Variants in MYH3 observed in about 807,000 individuals in gnomAD.
The protein encoded by MYH3 is myosin-3.
In MYH3, 130 loss-of-function variants were observed where a neutral mutation model predicts 238.0. That is an observed-to-expected ratio of 0.55 (90% CI 0.47 to 0.63). The LOEUF is 0.63. Ranked by LOEUF, MYH3 falls within the 30% of genes least tolerant of loss-of-function variation. MYH3 has a pLI of 0.00. For missense variants in MYH3, 1,853 were observed against 2,374.9 expected (o/e 0.78, Z 4.57); for synonymous variants, 880 against 924.1 (o/e 0.95, Z 0.86).
At chr17:10,664,192 C>A in the MYH3 span, among the ~76,000 whole-genome samples, 2 of 151,726 alleles carry the variant, frequency 1.3e-5, no homozygotes, top group Non-Finnish European at 2.9e-5. Context: ...ACTGTTAATG[C>A]AGGAGTAAAA....
At chr17:10,652,607 GTCTTT>G in intron 3 of MYH3, 44 bp from the exon 4 acceptor site, 92 of 605,158 alleles carry the variant, frequency 1.5e-4, no homozygotes, top group Non-Finnish European at 2.1e-4. Flanking sequence ...TGGTCTGCAC[GTCTTT>G]TTTTTTTTTT....
At chr17:10,670,577 G>A in the MYH3 span, among the ~76,000 whole-genome samples, 1 of 152,076 alleles carries the variant, frequency 6.6e-6, no homozygotes, top group Non-Finnish European at 1.5e-5. This position sits in a 1 kb window ranked among gnomAD's most constrained non-coding sequence, Gnocchi z 7.0. Context: ...CCTAGTAGCT[G>A]GGATTGCAAG....
At chr17:10,629,514 A>C (rs556678852) in intron 40 of MYH3, 83 bp downstream of exon 40, 1 of 1,575,150 alleles carries the variant, frequency 6.3e-7, no homozygotes, top group East Asian at 2.2e-5. Context: ...CCAGCTCTAA[A>C]GTAAAGGGTT....
chr17:10,664,061 T>TAA, the MYH3 span, among the ~76,000 whole-genome samples: 1 of 115,030 alleles, frequency 8.7e-6, no homozygotes, highest in Non-Finnish European at 1.6e-5. Flanking sequence ...AGACTCCGTC[T>TAA]TAAAAAAAAA....
chr17:10,636,373 G>A (rs570419002), intron 28 of MYH3, among the ~76,000 whole-genome samples: 1 of 149,850 alleles, frequency 6.7e-6, no homozygotes, highest in Non-Finnish European at 1.5e-5. Context: ...CCATTGAGAA[G>A]AACTGTAAAT....
Position 10,640,630 on chromosome 17 carries a change from T to A in MYH3, c.2222A>T (p.Lys741Ile). 1 of 1,614,258 alleles carries A rather than the reference T, an allele frequency of 6.2e-7. No homozygotes were observed. The highest frequency in any genetic ancestry group is 8.5e-7 in the Non-Finnish European group (1 of 1,180,038). The change falls in exon 20 of 41, where the codon AAA becomes ATA. Residue 741 changes from lysine to isoleucine, a missense_variant. This residue lies in a region of MYH3 where 678 missense variants were observed against 1,058.9 expected (regional missense o/e 0.64). Transcript: ENST00000583535. ...GGATGCCAGAAGCTTTTCACAGGCT[T>A]TCTTGCTGTCAATGAATTGTCCCTC... The part of the protein sequence containing the change: ...IPEGQFIDSK[K>I]ACEKLLASID...
chr17:10,636,071 T>TC (rs1188788136), intron 28 of MYH3, among the ~76,000 whole-genome samples: 2 of 152,040 alleles, frequency 1.3e-5, no homozygotes, highest in African/African-American at 4.8e-5. Flanking sequence ...ACGCCTGTAA[T>TC]CCCAGCACTT....
the MYH3 span, among the ~76,000 whole-genome samples, chr17:10,667,257 G>C: frequency 3.9e-5 from 6 of 152,194 alleles, no homozygotes; most frequent in Admixed American, 1.3e-4. Context: ...CTAAAATACT[G>C]TGAGCATAAC....
rs777159320 is a variant in MYH3, at chr17:10,631,986, G to A, written c.4987C>T (p.Arg1663Trp). The change falls in exon 35 of 41, where the codon CGG becomes TGG. Residue 1663 changes from arginine (R) to tryptophan (W), a missense_variant. By Grantham distance (101) the Arg-to-Trp change is moderately radical. This residue lies in a region of MYH3 where 1,044 missense variants were observed against 1,192.6 expected (regional missense o/e 0.88). Coordinates refer to ENST00000583535, the MANE Select transcript of MYH3 (RefSeq NM_002470.4). The stretch of plus-strand genomic sequence containing the variant: ...TGCTCCTTCAGGTCCTCCTGGCCCC[G>A]GAGGGCATCATCCAGGTGGAGCTGC... The part of the protein sequence containing the change: ...DTQLHLDDAL[R>W]GQEDLKEQLA... 8.2e-5 allele frequency: 132 copies of A among 1,613,648 alleles called. No individual in the cohort carries two copies. The highest frequency in any genetic ancestry group is 6.7e-5 in the Non-Finnish European group (79 of 1,180,058).
At chr17:10,669,724 C>G in the MYH3 span, among the ~76,000 whole-genome samples, 1 of 151,966 alleles carries the variant, frequency 6.6e-6, no homozygotes, top group African/African-American at 2.4e-5. Context: ...GGCAACATAG[C>G]CAGACCCCAT....
At chr17:10,650,551 C>A in intron 5 of MYH3, 150 bp from the exon 6 acceptor site, 1 of 673,968 alleles carries the variant, frequency 1.5e-6, no homozygotes, top group Non-Finnish European at 2.6e-6. Context: ...TGAAGAGCCT[C>A]CATCTGCTTT....
At chr17:10,659,963 CG>C (rs1231213671), upstream of MYH3, among the ~76,000 whole-genome samples, 2 of 152,198 alleles carry the variant, frequency 1.3e-5, no homozygotes, top group Non-Finnish European at 2.9e-5. Context: ...CATTTGGAAA[CG>C]TATCTTTAGG....
At chr17:10,637,687 C>T in intron 28 of MYH3, 122 bp downstream of exon 28, 1 of 1,349,012 alleles carries the variant, frequency 7.4e-7, no homozygotes, top group Admixed American at 1.9e-5. Context: ...AATTTCTTCT[C>T]TCCTGAAAAG....
the MYH3 span, among the ~76,000 whole-genome samples, chr17:10,666,783 C>T: frequency 4.0e-5 from 6 of 151,810 alleles, no homozygotes; most frequent in Admixed American, 2.0e-4. Flanking sequence ...AACTAAAAGA[C>T]GTGATAAAAT....
At chr17:10,670,256 A>G in the MYH3 span, among the ~76,000 whole-genome samples, 1 of 152,188 alleles carries the variant, frequency 6.6e-6, no homozygotes, top group Non-Finnish European at 1.5e-5. This position sits in a 1 kb window ranked among gnomAD's most constrained non-coding sequence, Gnocchi z 7.0. Context: ...GGGAGATACT[A>G]CTTTTACCCA....
At chr17:10,663,991 G>A in the MYH3 span, among the ~76,000 whole-genome samples, 176 of 150,864 alleles carry the variant, frequency 1.2e-3, 1 homozygote, top group African/African-American at 4.1e-3. Context: ...TGAACCTGGG[G>A]GGCAGATGTT....
chr17:10,663,340 G>A, the MYH3 span, among the ~76,000 whole-genome samples: 9 of 152,280 alleles, frequency 5.9e-5, no homozygotes, highest in African/African-American at 1.7e-4. Context: ...GATGGTGTTC[G>A]AATGAGGGAG....
intron 5 of MYH3, among the ~76,000 whole-genome samples, 196 bp from the exon 6 acceptor site, chr17:10,650,597 T>C (rs765711470): frequency 1.3e-4 from 20 of 152,236 alleles, no homozygotes; most frequent in Non-Finnish European, 2.5e-4. Context: ...AAACAATATT[T>C]GTATATATTT....
In MYH3 at chr17:10,642,843, T is replaced by C; in HGVS notation, c.1564A>G (p.Ile522Val). ...IDFGMDLAAC[I>V]ELIEKPMGIF... ...CTGGATACCTTCTCGATGAGCTCGA[T>C]GCAGGCAGCCAGGTCCATCCCGAAG... The change falls in exon 15 of 41, where the codon ATC becomes GTC. Residue 522 changes from isoleucine to valine, a missense_variant. By Grantham distance (29) the Ile-to-Val change is conservative. This residue lies in a region of MYH3 where 678 missense variants were observed against 1,058.9 expected (regional missense o/e 0.64). Coordinates refer to ENST00000583535, the MANE Select transcript of MYH3 (RefSeq NM_002470.4). This position sits in a 1 kb window ranked among gnomAD's most constrained non-coding sequence, Gnocchi z 5.4. 2 of 1,614,160 alleles carry C rather than the reference T, an allele frequency of 1.2e-6. No homozygotes were observed. The highest frequency in any genetic ancestry group is 1.7e-6 in the Non-Finnish European group (2 of 1,180,016).
Sources: allele counts gnomAD v4.1 joint callset (sites outside exome capture counted in the v4.1 genomes callset), GRCh38; gene constraint gnomAD v4.1.1; regional missense constraint gnomAD v4.1.1; non-coding constraint Gnocchi (gnomAD v3.1); transcripts MANE v1.5; gene names NCBI Gene and HGNC (gene_info 2026-07-23, HGNC 2026-07-21).